The following ANGPTL1 variants were observed in gnomAD, a reference collection of about 807,000 sequenced individuals.
ANGPTL1 encodes the protein angiopoietin-related protein 1.
ANGPTL1 carries 36 observed loss-of-function variants against 46.7 expected under a neutral mutation model. That is an observed-to-expected ratio of 0.77 (90% confidence interval 0.59 to 1.02). The LOEUF is 1.02. Among genes scored for constraint, ANGPTL1 ranks in the 50% least tolerant of loss-of-function variants. The pLI, the probability that ANGPTL1 is intolerant of heterozygous loss-of-function variation, is 0.00. For missense variants in ANGPTL1, 571 were observed against 594.7 expected (o/e 0.96, Z 0.41); for synonymous variants, 221 against 204.3 (o/e 1.08, Z -0.69).
chr1:178,861,824 T>C (rs1658035768), intron 3 of ANGPTL1, among the ~76,000 whole-genome samples: 1 of 152,234 alleles, frequency 6.6e-6, no homozygotes, highest in Admixed American at 6.5e-5. Flanking sequence ...GGTCACTTTA[T>C]ACACTGCATT....
Position 178,859,405 on chromosome 1 carries a change from T to C in ANGPTL1, c.823+5549A>G, listed in dbSNP as rs1308752765. Reference sequence around the variant, plus strand: ...ATGACTACTTTCCAAGTTTAACTTTTTTTTTTTTTTTTTTTTTGAGACGGA... The same window carrying C: ...ATGACTACTTTCCAAGTTTAACTTTCTTTTTTTTTTTTTTTTTGAGACGGA... On this transcript the variant is annotated intron_variant, in intron 3 of 5. Coordinates refer to ENST00000234816, the MANE Select transcript of ANGPTL1 (RefSeq NM_004673.4). 1.2e-4 allele frequency among the ~76,000 whole-genome samples: 17 copies of C among 137,182 alleles called. 2 individuals carry two copies. The highest frequency in any genetic ancestry group is 1.4e-4 in the African/African-American group (5 of 35,274). The allele number at this position is 137,182 out of a possible 152,430, so 90.0% of individuals were successfully genotyped here. A position where few individuals can be genotyped will look rare whatever the true frequency, so the allele number is the denominator to read the frequency against.
intron 3 of ANGPTL1, among the ~76,000 whole-genome samples, chr1:178,859,009 A>C (rs1657777735): frequency 6.6e-6 from 1 of 152,206 alleles, no homozygotes; most frequent in Non-Finnish European, 1.5e-5. Context: ...CTTTCAGTTA[A>C]ATATATTCAA....
chr1:178,865,464 C>G lies in ANGPTL1; in HGVS notation c.313G>C (p.Val105Leu), dbSNP rs775467512. 7.4e-6 allele frequency: 12 copies of G among 1,613,948 alleles called. No individual in the cohort carries two copies. The highest frequency in any genetic ancestry group is 1.7e-5 in the Admixed American group (1 of 60,006). Residue 105 changes from valine (V) to leucine (L), a missense_variant, in exon 3 of 6, where the codon GTG becomes CTG. Val to Leu is a conservative substitution (Grantham distance 32). Coordinates refer to ENST00000234816, the MANE Select transcript of ANGPTL1 (RefSeq NM_004673.4). Reference sequence around the variant, plus strand: ...ACAATGTTTCCATCTACATCCACCACCAGTTGCAGAACATCTATCTCCCGC... The same window carrying G: ...ACAATGTTTCCATCTACATCCACCAGCAGTTGCAGAACATCTATCTCCCGC... The part of the protein sequence containing the change: ...QKREIDVLQL[V>L]VDVDGNIVNE...
At position 178,864,855 on chromosome 1, in the gene ANGPTL1, A is replaced by G. The variant is rs1471008081; in HGVS notation, c.823+99T>C. On this transcript the variant is annotated intron_variant, in intron 3 of 5. Coordinates refer to ENST00000234816, the MANE Select transcript of ANGPTL1 (RefSeq NM_004673.4). ...ATAGAAATTTTAATGTACATATATA[A>G]CATCGCAAAATGAATAAGCATTTAT... 2.8e-5 allele frequency: 22 copies of G among 789,330 alleles called. 1 individual carries two copies. The Admixed American group carries it at 7.2e-4, about 26-fold the overall frequency. 48.9% of individuals were successfully genotyped at this position (789,330 alleles called of 1,614,324 possible).
At position 178,869,242 on chromosome 1, in the gene ANGPTL1, G is replaced by C. The variant is rs1038580681; in HGVS notation, c.-136-19C>G. On this transcript the variant is annotated intron_variant, in intron 1 of 5. Coordinates refer to ENST00000234816, the MANE Select transcript of ANGPTL1 (RefSeq NM_004673.4). ...TTGCCAGCTAGTAGAGAGAAGAAAC[G>C]AAAGTCAGGATTTGCCTCCTTTCAG... is the stretch of plus-strand genomic sequence containing the variant. The C allele has an allele frequency of 6.6e-6, 1 of 152,028 alleles. No homozygotes were observed. Among genetic ancestry groups the C allele is most frequent in the Admixed American group, 6.6e-5 (1 of 15,244 alleles). 9.4% of individuals were successfully genotyped at this position (152,028 alleles called of 1,614,324 possible). A position where few individuals can be genotyped will look rare whatever the true frequency, so the allele number is the denominator to read the frequency against.
chr1:178,853,088 G>T, intron 4 of ANGPTL1, 135 bp from the exon 5 acceptor site: 1 of 1,423,136 alleles, frequency 7.0e-7, no homozygotes, highest in Non-Finnish European at 9.2e-7. Context: ...CATTTTAGTT[G>T]GTCACTTGCG....
chr1:178,864,926 C>T, intron 3 of ANGPTL1, 28 bp downstream of exon 3: 2 of 1,379,486 alleles, frequency 1.4e-6, no homozygotes, highest in Non-Finnish European at 1.9e-6. Context: ...CCTCATACTC[C>T]CACTTTTTAC....
intron 1 of ANGPTL1, among the ~76,000 whole-genome samples, chr1:178,870,311 A>G (rs557525285): frequency 2.0e-5 from 3 of 152,298 alleles, no homozygotes; most frequent in African/African-American, 4.8e-5. Flanking sequence ...CAGTTTATGT[A>G]TATCTTCAGC....
intron 3 of ANGPTL1, among the ~76,000 whole-genome samples, chr1:178,856,610 C>T (rs1404559427): frequency 6.6e-6 from 1 of 151,434 alleles, no homozygotes; most frequent in Non-Finnish European, 1.5e-5. Flanking sequence ...CTGGGATAGA[C>T]TCAACTTAGT....
chr1:178,868,094 A>G (rs546621496), intron 2 of ANGPTL1, among the ~76,000 whole-genome samples: 1 of 152,094 alleles, frequency 6.6e-6, no homozygotes, highest in East Asian at 1.9e-4. Context: ...CTGATAGCCA[A>G]AGCACACATG....
intron 3 of ANGPTL1, among the ~76,000 whole-genome samples, chr1:178,857,454 C>G (rs1272156120): frequency 6.6e-6 from 1 of 152,036 alleles, no homozygotes; most frequent in Non-Finnish European, 1.5e-5. Context: ...TGGGAGAAGT[C>G]ACAAGAAAGA....
At chr1:178,856,673 A>T (rs138151930) in intron 3 of ANGPTL1, among the ~76,000 whole-genome samples, 2 of 152,032 alleles carry the variant, frequency 1.3e-5, no homozygotes, top group African/African-American at 4.8e-5. Context: ...CATCATCGGT[A>T]ATTGTTAGTT....
chr1:178,861,310 T>C (rs1327562297), intron 3 of ANGPTL1, among the ~76,000 whole-genome samples: 1 of 152,146 alleles, frequency 6.6e-6, no homozygotes, highest in Non-Finnish European at 1.5e-5. Flanking sequence ...ACAGAAAAAG[T>C]TATCTGCCCT....
At chr1:178,865,957 T>C (rs1405510801) in intron 2 of ANGPTL1, among the ~76,000 whole-genome samples, 155 bp from the exon 3 acceptor site, 4 of 152,202 alleles carry the variant, frequency 2.6e-5, no homozygotes, top group African/African-American at 7.2e-5. Context: ...ATTTCTTAAA[T>C]TTAATATTAA....
chr1:178,857,804 G>A (rs1657694518), intron 3 of ANGPTL1, among the ~76,000 whole-genome samples: 1 of 152,120 alleles, frequency 6.6e-6, no homozygotes, highest in Admixed American at 6.5e-5. Flanking sequence ...TTGCTTTGCT[G>A]CAGAATATTT....
At chr1:178,859,692 G>A (rs1167948932) in intron 3 of ANGPTL1, among the ~76,000 whole-genome samples, 7 of 118,806 alleles carry the variant, frequency 5.9e-5, no homozygotes, top group Admixed American at 2.8e-4. Flanking sequence ...CATACACGAA[G>A]CACTTTTTTT....
intron 5 of ANGPTL1, among the ~76,000 whole-genome samples, chr1:178,852,295 C>G: frequency 6.6e-6 from 1 of 152,136 alleles, no homozygotes; most frequent in East Asian, 1.9e-4. Flanking sequence ...ATTGTTTTGT[C>G]TCTCCTCCAG....
At chr1:178,854,943 T>G (rs1382614415) in intron 3 of ANGPTL1, among the ~76,000 whole-genome samples, 1 of 152,148 alleles carries the variant, frequency 6.6e-6, no homozygotes, top group East Asian at 1.9e-4. Flanking sequence ...TTCGAGCCTT[T>G]TTTATAAACA....
Position 178,856,394 on chromosome 1 carries a change from ATTTTTTTTTTTTT to A in ANGPTL1, c.824-2620_824-2608del, listed in dbSNP as rs71108081. 4.1e-3 allele frequency among the ~76,000 whole-genome samples: 150 copies of A among 36,436 alleles called. 2 individuals are homozygous for A. The highest frequency in any genetic ancestry group is 0.019 in the Middle Eastern group (1 of 54). The allele number at this position is 36,436 out of a possible 152,430, so 23.9% of individuals were successfully genotyped here. On this transcript the variant is annotated intron_variant, in intron 3 of 5. Transcript: ENST00000234816. Reference sequence around the variant, plus strand: ...AGGCAAGTGCCACCCTGCCTGGCTAATTTTTTTTTTTTTTTTTTTTTTTTTTTTTTTTGAGAGA... The same window carrying A: ...AGGCAAGTGCCACCCTGCCTGGCTAATTTTTTTTTTTTTTTTTTTGAGAGA...
Sources: allele counts gnomAD v4.1 joint callset (sites outside exome capture counted in the v4.1 genomes callset), GRCh38; gene constraint gnomAD v4.1.1; transcripts MANE v1.5; gene names NCBI Gene and HGNC (gene_info 2026-07-23, HGNC 2026-07-21).